NUP155: variants seen among roughly 807,000 people sequenced by gnomAD.
The protein encoded by NUP155 is nuclear pore complex protein Nup155.
A neutral mutation model predicts 180.4 loss-of-function variants in NUP155; 71 were observed. That is an observed-to-expected ratio of 0.39 (90% CI 0.33 to 0.48). The LOEUF (loss-of-function observed/expected upper bound fraction) is 0.48. Among genes scored for constraint, NUP155 ranks in the 20% least tolerant of loss-of-function variants. NUP155 has a pLI of 0.91. For synonymous variants in NUP155, 582 were observed against 559.5 expected, an observed-to-expected ratio of 1.04 and a Z score of -0.57; for missense variants, 1,553 against 1,648.9, an observed-to-expected ratio of 0.94 and a Z score of 1.01.
intron 1 of NUP155, among the ~76,000 whole-genome samples, chr5:37,365,752 T>TATATATATACACAC (rs1403169370): frequency 2.4e-4 from 9 of 37,890 alleles, no homozygotes; most frequent in South Asian, 1.4e-3. Context: ...TATATATATA[T>TATATATATACACAC]ACACACACAC....
rs1413533914 is a variant in NUP155, at chr5:37,320,028, A to T, written c.2208-1943T>A. ...TGAGACCCTATCTCTGAGAAAAATA[A>T]GAAAAAATCAGCCAGGTGTGGCAGC... is the stretch of plus-strand genomic sequence containing the variant. On this transcript the variant is annotated intron_variant, in intron 20 of 34. Transcript: ENST00000231498. Among the ~76,000 whole-genome samples, 5 of 151,902 alleles carry T rather than the reference A, an allele frequency of 3.3e-5. No homozygotes were observed. In the East Asian group the frequency reaches 9.7e-4, roughly 29 times the overall value.
intron 8 of NUP155, 85 bp from the exon 9 acceptor site, chr5:37,348,681 A>G: frequency 1.2e-6 from 1 of 817,390 alleles, no homozygotes; most frequent in Non-Finnish European, 2.1e-6. Flanking sequence ...GGATCCTTTA[A>G]TATTGGTATT....
intron 9 of NUP155, among the ~76,000 whole-genome samples, chr5:37,344,127 G>A (rs745678196): frequency 6.6e-6 from 1 of 151,718 alleles, no homozygotes; most frequent in Non-Finnish European, 1.5e-5. Flanking sequence ...ATCACTTGAG[G>A]CCAGGAGTTC....
chr5:37,328,220 G>C (rs1022915643), intron 17 of NUP155, 138 bp downstream of exon 17: 7 of 713,308 alleles, frequency 9.8e-6, no homozygotes, highest in East Asian at 2.8e-5. Context: ...GCCAAAACTT[G>C]CTTGGACAGC....
Position 37,330,057 on chromosome 5 carries a change from C to T in NUP155, c.1705G>A (p.Ala569Thr). The change falls in exon 15 of 35, where the codon GCT becomes ACT. Residue 569 changes from alanine to threonine, a missense_variant. Transcript: ENST00000231498. ...AACDREVSAW[A>T]TRAFFRYGGE... is the part of the protein sequence containing the mutation. ...ACATACCTAAAGAAAGCCCGAGTAG[C>T]CCAGGCAGATACTTCTCTATCACAG... The T allele has an allele frequency of 6.2e-7, 1 of 1,613,358 alleles. No homozygotes were observed. The highest frequency in any genetic ancestry group is 8.5e-7 in the Non-Finnish European group (1 of 1,179,504).
chr5:37,361,083 A>G (rs1747185337), intron 3 of NUP155, among the ~76,000 whole-genome samples: 1 of 151,972 alleles, frequency 6.6e-6, no homozygotes, highest in Non-Finnish European at 1.5e-5. Context: ...AGCCTAGTCA[A>G]TATAGTGAAA....
chr5:37,319,883 A>G (rs888144438), intron 20 of NUP155, among the ~76,000 whole-genome samples: 1 of 152,074 alleles, frequency 6.6e-6, no homozygotes. Flanking sequence ...AAAGAAAACC[A>G]AAAAACACCT....
intron 20 of NUP155, among the ~76,000 whole-genome samples, chr5:37,323,691 A>G (rs1263148292): frequency 3.3e-5 from 5 of 149,786 alleles, no homozygotes; most frequent in Non-Finnish European, 7.4e-5. Flanking sequence ...ATAAAATATA[A>G]TATTTATATA....
intron 26 of NUP155, 85 bp from the exon 27 acceptor site, chr5:37,304,928 A>G: frequency 6.7e-7 from 1 of 1,500,810 alleles, no homozygotes. Context: ...AACTCCAGTA[A>G]GAAATCAAGA....
chr5:37,368,733 G>A (rs1747768265), intron 1 of NUP155, among the ~76,000 whole-genome samples: 1 of 152,134 alleles, frequency 6.6e-6, no homozygotes, highest in Non-Finnish European at 1.5e-5. Context: ...AGCATCGCTT[G>A]AACCTGGGAG....
intron 12 of NUP155, 136 bp downstream of exon 12, chr5:37,337,682 A>T: frequency 1.7e-6 from 1 of 601,484 alleles, no homozygotes; most frequent in South Asian, 2.3e-5. Flanking sequence ...TGACAGGATA[A>T]TTTCTTTACT....
chr5:37,337,479 A>C (rs550351194), intron 12 of NUP155, among the ~76,000 whole-genome samples: 4 of 152,304 alleles, frequency 2.6e-5, no homozygotes, highest in Admixed American at 6.5e-5. Context: ...AACGAGCAAC[A>C]TATTTAAATG....
chr5:37,345,842 T>C (rs920214528), intron 9 of NUP155, among the ~76,000 whole-genome samples: 2 of 143,872 alleles, frequency 1.4e-5, no homozygotes, highest in African/African-American at 5.2e-5. Context: ...AGGCAGAGGG[T>C]GCAGTGAGCT....
At chr5:37,361,242 G>A (rs962195162) in intron 3 of NUP155, among the ~76,000 whole-genome samples, 13 of 140,180 alleles carry the variant, frequency 9.3e-5, no homozygotes, top group Middle Eastern at 3.8e-3. Context: ...CTCCAGCCTG[G>A]GCGACAGAGC....
In NUP155 at chr5:37,371,082, C is replaced by A; in HGVS notation, c.-105G>T. The A allele has an allele frequency of 8.3e-7, 1 of 1,199,818 alleles. No homozygotes were observed. The highest frequency in any genetic ancestry group is 2.3e-4 in the Middle Eastern group (1 of 4,386). 74.3% of individuals were successfully genotyped at this position (1,199,818 alleles called of 1,614,324 possible). ...GATCCGCCGCCTAGGGCGCGCGCGC[C>A]AAACGAGCGCCTTGGCGCCTCGACA... On this transcript the variant is annotated 5_prime_UTR_variant, in exon 1 of 35. Transcript: ENST00000231498.
chr5:37,314,254 A>G lies in NUP155; in HGVS notation c.2380T>C (p.Leu794=), dbSNP rs549097242. The change falls in exon 22 of 35, where the codon TTA becomes CTA. Residue 794 remains leucine, a synonymous_variant. Coordinates refer to ENST00000231498, the MANE Select transcript of NUP155 (RefSeq NM_153485.3). ...TGATGTTCACAAAGAAGTTTCCATA[A>G]AGCCAGAGCCTGATATGATTTTCGA... is the stretch of plus-strand genomic sequence containing the variant. ...LVRKSYQALA[L]WKLLCEHQFT... The G allele has an allele frequency of 1.2e-6, 2 of 1,610,514 alleles. No homozygotes were observed. The highest frequency in any genetic ancestry group is 2.2e-5 in the East Asian group (1 of 44,836).
At position 37,327,480 on chromosome 5, in the gene NUP155, G is replaced by C; in HGVS notation, c.2024+149C>G. The C allele has an allele frequency of 4.0e-6, 3 of 756,572 alleles. No individual in the cohort carries two copies. The South Asian group carries it at 5.0e-5, about 13-fold the overall frequency. 46.9% of individuals were successfully genotyped at this position (756,572 alleles called of 1,614,324 possible). On this transcript the variant is annotated intron_variant, in intron 18 of 34. Coordinates refer to ENST00000231498, the MANE Select transcript of NUP155 (RefSeq NM_153485.3). ...GAATATAGTTAGATAACAAAAACTG[G>C]AATAATAGAAAAGTTTTATTGATCA...
chr5:37,308,471 G>A (rs2150947130), intron 24 of NUP155, among the ~76,000 whole-genome samples: 1 of 152,136 alleles, frequency 6.6e-6, no homozygotes, highest in Middle Eastern at 3.4e-3. Flanking sequence ...GGCTGAGGTG[G>A]GTGGATCATG....
chr5:37,365,736 A>ATATATATATAT (rs1273845086), intron 1 of NUP155, among the ~76,000 whole-genome samples: 1 of 35,708 alleles, frequency 2.8e-5, no homozygotes, highest in African/African-American at 9.4e-5. Flanking sequence ...AAAAAAAAAA[A>ATATATATATAT]AAATATATAT....
Sources: allele counts gnomAD v4.1 joint callset (sites outside exome capture counted in the v4.1 genomes callset), GRCh38; gene constraint gnomAD v4.1.1; transcripts MANE v1.5; gene names NCBI Gene and HGNC (gene_info 2026-07-23, HGNC 2026-07-21).